Variants in ANO6 observed in about 807,000 individuals in gnomAD.
ANO6 encodes anoctamin 6.
A neutral mutation model predicts 117.5 loss-of-function variants in ANO6; 106 were observed. The ratio of observed to expected loss-of-function variants is 0.90; its 90% CI spans 0.77 to 1.06. The LOEUF is 1.06. Ranked by LOEUF, ANO6 falls within the 50% of genes least tolerant of loss-of-function variation. ANO6 has a pLI of 0.00. For missense variants in ANO6, 955 were observed against 1,121.1 expected (o/e 0.85, Z 2.12); for synonymous variants, 367 against 385.1 (o/e 0.95, Z 0.55).
intron 2 of ANO6, among the ~76,000 whole-genome samples, chr12:45,302,985 T>C (rs1218900080): frequency 2.0e-5 from 3 of 152,204 alleles, no homozygotes; most frequent in African/African-American, 7.2e-5. Context: ...AATTGTATTA[T>C]TGGTAAAGAC....
intron 1 of ANO6, among the ~76,000 whole-genome samples, chr12:45,266,805 A>AT (rs113415310): frequency 1.4e-5 from 2 of 145,658 alleles, no homozygotes; most frequent in South Asian, 4.5e-4. Context: ...TCAAAAAACA[A>AT]GTGTGTGTGT....
At chr12:45,367,298 A>G (rs984889560) in intron 8 of ANO6, among the ~76,000 whole-genome samples, 3 of 152,154 alleles carry the variant, frequency 2.0e-5, no homozygotes, top group African/African-American at 7.2e-5. Flanking sequence ...CAACTTATTA[A>G]TTCTAATAAT....
rs759399019 is a variant in ANO6, at chr12:45,216,356, T to TGGA, written c.48_50dup (p.Glu16dup). On this transcript the variant is annotated inframe_insertion, in exon 1 of 20. Transcript: ENST00000320560. The stretch of plus-strand genomic sequence containing the variant: ...ATGAGCAGGAATGTTTTGCTACAAA[T>TGGA]GGAGGAGGAGGAGGACGACGACGAT... 3.1e-6 allele frequency: 5 copies of TGGA among 1,612,698 alleles called. No homozygotes were observed. Among genetic ancestry groups the TGGA allele is most frequent in the Non-Finnish European group, 4.2e-6 (5 of 1,179,340 alleles).
At chr12:45,219,721 A>G (rs1227767249) in intron 1 of ANO6, among the ~76,000 whole-genome samples, 2 of 152,136 alleles carry the variant, frequency 1.3e-5, no homozygotes, top group African/African-American at 2.4e-5. Flanking sequence ...ACATCTCACT[A>G]TGGATGTCTT....
downstream of ANO6, chr12:45,432,440 T>TA: frequency 2.4e-6 from 1 of 410,488 alleles, no homozygotes; most frequent in Non-Finnish European, 3.3e-6. Context: ...ATCACTTAGA[T>TA]AAATGTGTGC....
chr12:45,359,203 A>C (rs2137480755), intron 8 of ANO6, among the ~76,000 whole-genome samples: 1 of 152,282 alleles, frequency 6.6e-6, no homozygotes, highest in South Asian at 2.1e-4. Context: ...GGCAACCACT[A>C]ATCTATTTGC....
chr12:45,315,712 G>A (rs866345053), intron 2 of ANO6, among the ~76,000 whole-genome samples: 2 of 151,900 alleles, frequency 1.3e-5, no homozygotes, highest in African/African-American at 4.8e-5. Context: ...AGAAACCTCA[G>A]GGACTTAGTC....
At position 45,429,438 on chromosome 12, in the gene ANO6, A is replaced by T. The variant is rs980695191; in HGVS notation, c.*127A>T. 2.7e-6 allele frequency: 4 copies of T among 1,500,772 alleles called. No homozygotes were observed. The highest frequency in any genetic ancestry group is 3.5e-6 in the Non-Finnish European group (4 of 1,130,582). 93.0% of individuals were successfully genotyped at this position (1,500,772 alleles called of 1,614,324 possible). On this transcript the variant is annotated 3_prime_UTR_variant, in exon 20 of 20. Transcript: ENST00000320560. ...GAGTCTCAACTATTGCCATTTCCTC[A>T]TGTATTATTTTTCAGTTTCAGCTAG... is the stretch of plus-strand genomic sequence containing the variant.
In ANO6 at chr12:45,357,334, G is replaced by A; in HGVS notation, c.908G>A (p.Gly303Asp). 6.2e-7 allele frequency: 1 copy of A among 1,613,984 alleles called. No individual in the cohort carries two copies. Among genetic ancestry groups the A allele is most frequent in the Non-Finnish European group, 8.5e-7 (1 of 1,179,964 alleles). Reference protein sequence around the residue: ...EKIGIYFAWLGYYTQMLLLAA... With the variant: ...EKIGIYFAWLDYYTQMLLLAA... ...ATTGGAATCTACTTTGCTTGGCTGG[G>A]CTATTACACTCAGATGCTTCTCCTG... Residue 303 changes from glycine (G) to aspartate (D), a missense_variant, in exon 8 of 20, where the codon GGC becomes GAC. By Grantham distance (94) the Gly-to-Asp change is moderately conservative. Coordinates refer to ENST00000320560, the MANE Select transcript of ANO6 (RefSeq NM_001025356.3).
chr12:45,279,998 T>G (rs1938671215), intron 1 of ANO6, among the ~76,000 whole-genome samples: 1 of 152,240 alleles, frequency 6.6e-6, no homozygotes, highest in Admixed American at 6.5e-5. Context: ...TGGGCTATTT[T>G]CAGCTGATAA....
intron 10 of ANO6, 97 bp downstream of exon 10, chr12:45,378,210 C>T: frequency 8.2e-7 from 1 of 1,212,988 alleles, no homozygotes; most frequent in South Asian, 1.3e-5. Flanking sequence ...TCTTGTATTG[C>T]CCAGGCTTCA....
intron 15 of ANO6, among the ~76,000 whole-genome samples, chr12:45,405,095 CTT>C (rs879299555): frequency 4.9e-5 from 7 of 143,012 alleles, no homozygotes; most frequent in Admixed American, 2.1e-4. Flanking sequence ...CTGTGAAATT[CTT>C]TTTTTTTTTT....
chr12:45,219,031 C>G (rs564644665), intron 1 of ANO6, among the ~76,000 whole-genome samples: 4 of 152,130 alleles, frequency 2.6e-5, no homozygotes, highest in African/African-American at 9.7e-5. Flanking sequence ...TCTTGAACTC[C>G]TGGCCTCTAG....
intron 1 of ANO6, among the ~76,000 whole-genome samples, chr12:45,280,877 T>TAG (rs141408795): frequency 2.4e-5 from 2 of 82,872 alleles, no homozygotes; most frequent in South Asian, 9.3e-4. Flanking sequence ...TTTATATATA[T>TAG]ATAGAGAGAG....
At chr12:45,303,098 A>G (rs1005042359) in intron 2 of ANO6, among the ~76,000 whole-genome samples, 1 of 152,202 alleles carries the variant, frequency 6.6e-6, no homozygotes, top group Non-Finnish European at 1.5e-5. Flanking sequence ...CTCTGGACTG[A>G]AAAGGGATGG....
chr12:45,326,952 C>A (rs866517747), intron 2 of ANO6, among the ~76,000 whole-genome samples: 1 of 152,064 alleles, frequency 6.6e-6, no homozygotes, highest in African/African-American at 2.4e-5. Flanking sequence ...TATTTGGTGC[C>A]CTCCCCCACT....
At chr12:45,355,844 G>A (rs1941397486) in intron 7 of ANO6, among the ~76,000 whole-genome samples, 1 of 152,134 alleles carries the variant, frequency 6.6e-6, no homozygotes, top group Non-Finnish European at 1.5e-5. Flanking sequence ...AAGTCTCCCA[G>A]GACTCCAGGT....
intron 7 of ANO6, among the ~76,000 whole-genome samples, chr12:45,355,225 A>G (rs1297430015): frequency 2.0e-5 from 3 of 152,186 alleles, no homozygotes; most frequent in Non-Finnish European, 4.4e-5. Context: ...GGTGTTTGGC[A>G]GAGAGGGACA....
At chr12:45,414,844 A>G (rs1210929584) in intron 16 of ANO6, among the ~76,000 whole-genome samples, 1 of 151,828 alleles carries the variant, frequency 6.6e-6, no homozygotes, top group Non-Finnish European at 1.5e-5. Context: ...GCTCACTGCA[A>G]CCTCCGCCTC....
Sources: allele counts gnomAD v4.1 joint callset (sites outside exome capture counted in the v4.1 genomes callset), GRCh38; gene constraint gnomAD v4.1.1; transcripts MANE v1.5; gene names NCBI Gene and HGNC (gene_info 2026-07-23, HGNC 2026-07-21).